Variants in ITPR2 observed in about 807,000 individuals in gnomAD.
ITPR2 encodes the protein inositol 1,4,5-trisphosphate receptor type 2.
Under a neutral mutation model 317.1 loss-of-function variants are expected in ITPR2, and 207 were observed. The ratio of observed to expected loss-of-function variants is 0.65; its 90% CI spans 0.58 to 0.73. The LOEUF is 0.73. Ranked by LOEUF, ITPR2 falls within the 30% of genes least tolerant of loss-of-function variation. The probability of loss-of-function intolerance (pLI) is 0.00; values close to 1 mark genes in which losing one functional copy is unlikely to be tolerated. For missense variants in ITPR2, 2,613 were observed against 3,284.0 expected (o/e 0.80, Z 4.99); for synonymous variants, 1,156 against 1,149.1 (o/e 1.01, Z -0.12).
At chr12:26,706,248 T>G (rs540730448) in intron 9 of ITPR2, among the ~76,000 whole-genome samples, 1 of 152,342 alleles carries the variant, frequency 6.6e-6, no homozygotes, top group South Asian at 2.1e-4. Context: ...ATAGCCAACA[T>G]GTGGCTAGAA....
intron 39 of ITPR2, among the ~76,000 whole-genome samples, chr12:26,491,123 T>C (rs146413805): frequency 5.5e-4 from 84 of 152,236 alleles, no homozygotes; most frequent in African/African-American, 1.9e-3. Context: ...TCTTATGGAC[T>C]GTAGCAGGGA....
intron 21 of ITPR2, among the ~76,000 whole-genome samples, chr12:26,650,615 G>A (rs141844524): frequency 6.6e-6 from 1 of 152,116 alleles, no homozygotes; most frequent in Admixed American, 6.6e-5. Context: ...AAAAAAAAAT[G>A]TCTTTAATAA....
chr12:26,443,869 T>A (rs1941547188), intron 45 of ITPR2, among the ~76,000 whole-genome samples: 2 of 152,164 alleles, frequency 1.3e-5, no homozygotes, highest in South Asian at 4.1e-4. Flanking sequence ...ATGTCTTCAA[T>A]AAATGTACGA....
chr12:26,353,485 G>A (rs2136563320), intron 55 of ITPR2, among the ~76,000 whole-genome samples: 1 of 152,320 alleles, frequency 6.6e-6, no homozygotes, highest in East Asian at 1.9e-4. Context: ...TTACAGAGGG[G>A]TCTGCCCAAA....
At chr12:26,493,489 G>A (rs1942858096) in intron 39 of ITPR2, among the ~76,000 whole-genome samples, 1 of 152,156 alleles carries the variant, frequency 6.6e-6, no homozygotes, top group Non-Finnish European at 1.5e-5. Flanking sequence ...ATAAATTCCT[G>A]TGTTCTAATC....
chr12:26,507,348 T>G (rs1943215991), intron 37 of ITPR2, among the ~76,000 whole-genome samples: 1 of 152,214 alleles, frequency 6.6e-6, no homozygotes. Flanking sequence ...TACCAAATGC[T>G]TACCTTAGAA....
At chr12:26,499,331 C>T (rs1174366487) in intron 37 of ITPR2, among the ~76,000 whole-genome samples, 7 of 152,180 alleles carry the variant, frequency 4.6e-5, no homozygotes, top group Admixed American at 4.6e-4. Flanking sequence ...TATTTCCTCA[C>T]CATGTAATAT....
In ITPR2 at chr12:26,600,039, G is replaced by T. The variant is rs769814051; in HGVS notation, c.3749C>A (p.Pro1250Gln). Residue 1250 changes from proline (P) to glutamine (Q), a missense_variant, in exon 29 of 57, where the codon CCA becomes CAA. Physicochemically the swap from Pro to Gln is moderately conservative, Grantham distance 76 (BLOSUM62 -1). Coordinates refer to ENST00000381340, the MANE Select transcript of ITPR2 (RefSeq NM_002223.4). Reference sequence around the variant, plus strand: ...TTTATGAAGAAGAACTTGATTCTGTGGATTTCCTCGACAGAAATTCTGCAG... The same window carrying T: ...TTTATGAAGAAGAACTTGATTCTGTTGATTTCCTCGACAGAAATTCTGCAG... ...TFLQNFCRGN[P>Q]QNQVLLHKHL... is the part of the protein sequence containing the mutation. 3 of 1,602,788 alleles carry T rather than the reference G, an allele frequency of 1.9e-6. No individual in the cohort carries two copies. Among genetic ancestry groups the T allele is most frequent in the Non-Finnish European group, 1.7e-6 (2 of 1,170,044 alleles).
At chr12:26,764,477 T>C (rs745472127) in intron 2 of ITPR2, among the ~76,000 whole-genome samples, 4 of 152,084 alleles carry the variant, frequency 2.6e-5, no homozygotes, top group African/African-American at 4.8e-5. Flanking sequence ...TGTCTTTGTA[T>C]ATTATTATCC....
intron 37 of ITPR2, among the ~76,000 whole-genome samples, chr12:26,548,276 G>C (rs1944436308): frequency 6.6e-6 from 1 of 152,294 alleles, no homozygotes; most frequent in East Asian, 1.9e-4. Flanking sequence ...ATGAAGCAAA[G>C]GTCAGGGCAG....
intron 50 of ITPR2, 27 bp from the exon 51 acceptor site, chr12:26,415,525 A>G (rs200453607): frequency 4.4e-6 from 2 of 457,696 alleles, no homozygotes; most frequent in Non-Finnish European, 7.2e-6. Flanking sequence ...AACACTAATA[A>G]GAAAAGAAGG....
rs1222875137 is a variant in ITPR2 at position 26,337,214 on chromosome 12, A to G, written c.*2183T>C. On this transcript the variant is annotated 3_prime_UTR_variant, in exon 57 of 57. Coordinates refer to ENST00000381340, the MANE Select transcript of ITPR2 (RefSeq NM_002223.4). ...AGCAATTATATACACCTAATGGCTT[A>G]TTCCCTACAAAATGAACTATTATGG... The G allele has an allele frequency of 6.6e-6, 1 of 152,148 alleles. No individual in the cohort carries two copies. The highest frequency in any genetic ancestry group is 6.5e-5 in the Admixed American group (1 of 15,284). The allele number at this position is 152,148 out of a possible 1,614,324, so 9.4% of individuals were successfully genotyped here.
chr12:26,458,171 A>G (rs867899401), intron 45 of ITPR2, among the ~76,000 whole-genome samples: 47 of 152,312 alleles, frequency 3.1e-4, no homozygotes, highest in African/African-American at 1.1e-3. Context: ...AGGCTACTGC[A>G]GCTGTCCAGG....
At chr12:26,573,783 G>A (rs972296372) in intron 34 of ITPR2, among the ~76,000 whole-genome samples, 14 of 152,198 alleles carry the variant, frequency 9.2e-5, no homozygotes, top group Admixed American at 7.9e-4. Context: ...AGCAGAGTTG[G>A]AGGAGATGGA....
chr12:26,768,935 A>T (rs1047309177), intron 2 of ITPR2, among the ~76,000 whole-genome samples: 1 of 151,472 alleles, frequency 6.6e-6, no homozygotes, highest in Non-Finnish European at 1.5e-5. Flanking sequence ...GTTATCCTCC[A>T]GTTCTTCATG....
At chr12:26,539,765 C>A (rs762176865) in intron 37 of ITPR2, among the ~76,000 whole-genome samples, 19 of 152,350 alleles carry the variant, frequency 1.2e-4, no homozygotes, top group Non-Finnish European at 2.5e-4. Context: ...TGGTTCTCTG[C>A]TGCCCACCCA....
chr12:26,578,303 G>A (rs1233708771), intron 34 of ITPR2, among the ~76,000 whole-genome samples: 2 of 151,518 alleles, frequency 1.3e-5, no homozygotes, highest in African/African-American at 4.8e-5. Context: ...TGTAATTTCT[G>A]AAGCCTTGAA....
At chr12:26,746,614 A>C (rs1240709377) in intron 2 of ITPR2, among the ~76,000 whole-genome samples, 1 of 152,130 alleles carries the variant, frequency 6.6e-6, no homozygotes, top group Non-Finnish European at 1.5e-5. Flanking sequence ...TCACAAACTT[A>C]GTGTAGTAGT....
At chr12:26,653,908 G>A in intron 21 of ITPR2, 68 bp downstream of exon 21, 1 of 1,320,442 alleles carries the variant, frequency 7.6e-7, no homozygotes, top group Non-Finnish European at 1.1e-6. Context: ...CCCCTTCTCT[G>A]TAGTTTTGTT....
Sources: allele counts gnomAD v4.1 joint callset (sites outside exome capture counted in the v4.1 genomes callset), GRCh38; gene constraint gnomAD v4.1.1; transcripts MANE v1.5; gene names NCBI Gene and HGNC (gene_info 2026-07-23, HGNC 2026-07-21).